The following DNAJC1 variants were observed in gnomAD, a reference collection of about 807,000 sequenced individuals.
The protein encoded by DNAJC1 is DnaJ heat shock protein family (Hsp40) member C1, also known as dnaJ homolog subfamily C member 1.
A neutral mutation model predicts 76.6 loss-of-function variants in DNAJC1; 58 were observed. The observed-to-expected ratio is 0.76, with a 90% confidence interval of 0.61 to 0.94. The LOEUF (loss-of-function observed/expected upper bound fraction) is 0.94. DNAJC1 is among the 40% of genes least tolerant of loss of function. DNAJC1 has a pLI of 0.00. For missense variants in DNAJC1, 689 were observed against 677.3 expected, an observed-to-expected ratio of 1.02 and a Z score of -0.19; for synonymous variants, 258 against 267.9, an observed-to-expected ratio of 0.96 and a Z score of 0.36.
chr10:21,949,713 G>A lies in DNAJC1; in HGVS notation c.223-20572C>T, dbSNP rs574723297. On this transcript the variant is annotated intron_variant, in intron 1 of 11. Coordinates refer to ENST00000376980, the MANE Select transcript of DNAJC1 (RefSeq NM_022365.4). ...ATTACAGGTGTGAGCCACCGCACCC[G>A]GCCAATAAGCGATTGCCCTCTATTG... 2.7e-3 allele frequency among the ~76,000 whole-genome samples: 408 copies of A among 151,926 alleles called. 2 individuals carry two copies. Among genetic ancestry groups the A allele is most frequent in the African/African-American group, 9.1e-3 (379 of 41,468 alleles).
chr10:21,856,419 T>C (rs1254414594), intron 8 of DNAJC1, among the ~76,000 whole-genome samples: 2 of 152,206 alleles, frequency 1.3e-5, no homozygotes, highest in African/African-American at 4.8e-5. Flanking sequence ...TTTGAGGATA[T>C]TTATATCTAT....
chr10:21,901,720 T>A (rs1564821852), intron 7 of DNAJC1, among the ~76,000 whole-genome samples: 1 of 152,146 alleles, frequency 6.6e-6, no homozygotes, highest in Non-Finnish European at 1.5e-5. Context: ...GTAAAGCAGA[T>A]GAGGGCAGAT....
chr10:21,766,459 G>A (rs189627873), intron 9 of DNAJC1, 150 bp from the exon 10 acceptor site: 10 of 637,300 alleles, frequency 1.6e-5, no homozygotes, highest in Non-Finnish European at 2.0e-5. Flanking sequence ...ATCCATTAAT[G>A]TAATTAACAA....
intron 11 of DNAJC1, among the ~76,000 whole-genome samples, chr10:21,757,696 AC>A (rs1834192218): frequency 6.6e-6 from 1 of 152,178 alleles, no homozygotes; most frequent in Non-Finnish European, 1.5e-5. Flanking sequence ...CAGACCCAGC[AC>A]TTAACCCCAG....
At chr10:21,806,703 CT>C (rs879570572) in intron 8 of DNAJC1, among the ~76,000 whole-genome samples, 414 of 144,762 alleles carry the variant, frequency 2.9e-3, no homozygotes, top group Middle Eastern at 3.6e-3. Flanking sequence ...AAATGTCACT[CT>C]TTTTTTTTTT....
At chr10:22,002,339 C>T (rs764684856) in intron 1 of DNAJC1, among the ~76,000 whole-genome samples, 22 of 152,158 alleles carry the variant, frequency 1.4e-4, no homozygotes, top group Admixed American at 2.6e-4. Context: ...TCTTCTCCTT[C>T]GCACAAGGCT....
intron 9 of DNAJC1, among the ~76,000 whole-genome samples, chr10:21,789,582 T>C (rs958388750): frequency 6.6e-6 from 1 of 152,008 alleles, no homozygotes; most frequent in African/African-American, 2.4e-5. Context: ...CTCACCAAGA[T>C]ATAAGAATGT....
intron 3 of DNAJC1, among the ~76,000 whole-genome samples, chr10:21,924,918 C>T (rs1564828921): frequency 6.6e-6 from 1 of 152,138 alleles, no homozygotes; most frequent in Non-Finnish European, 1.5e-5. Context: ...AAGTATTTGT[C>T]TATCTAAACT....
chr10:21,817,662 G>A (rs1835096441), intron 8 of DNAJC1, among the ~76,000 whole-genome samples: 1 of 152,184 alleles, frequency 6.6e-6, no homozygotes, highest in South Asian at 2.1e-4. Flanking sequence ...AAGAATAAAT[G>A]TTGCAGGAAG....
At chr10:21,979,656 G>C (rs28709556) in intron 1 of DNAJC1, among the ~76,000 whole-genome samples, 4,231 of 151,734 alleles carry the variant, frequency 0.028, 97 homozygotes, top group Middle Eastern at 0.11. Flanking sequence ...AGAAATAATG[G>C]AAAGTAAACT....
At chr10:21,818,079 G>A (rs917765524) in intron 8 of DNAJC1, among the ~76,000 whole-genome samples, 7 of 152,300 alleles carry the variant, frequency 4.6e-5, no homozygotes, top group Admixed American at 2.0e-4. Context: ...AACTCTGACC[G>A]CTGGTGAGCC....
intron 1 of DNAJC1, among the ~76,000 whole-genome samples, chr10:21,990,929 A>G (rs1164662482): frequency 2.0e-5 from 3 of 152,164 alleles, no homozygotes; most frequent in Non-Finnish European, 2.9e-5. Context: ...TCGTTAATTA[A>G]TCATTCAGTT....
At chr10:21,906,262 C>A (rs1836744274) in intron 6 of DNAJC1, among the ~76,000 whole-genome samples, 1 of 152,066 alleles carries the variant, frequency 6.6e-6, no homozygotes, top group Middle Eastern at 3.2e-3. Context: ...CACAGATGGC[C>A]ATGCAACCAA....
At chr10:21,780,956 C>T (rs1834521100) in intron 9 of DNAJC1, among the ~76,000 whole-genome samples, 1 of 152,160 alleles carries the variant, frequency 6.6e-6, no homozygotes, top group South Asian at 2.1e-4. Context: ...ATCCTAGTCT[C>T]TGATAAAACA....
At chr10:21,819,096 A>G (rs1046659269) in intron 8 of DNAJC1, among the ~76,000 whole-genome samples, 6 of 152,260 alleles carry the variant, frequency 3.9e-5, no homozygotes, top group Non-Finnish European at 8.8e-5. Flanking sequence ...AAAAGCAATA[A>G]AAGTTTGGTT....
chr10:21,928,547 CA>C lies in DNAJC1; in HGVS notation c.329del (p.Val110GlyfsTer7). Reference protein sequence around the residue: ...ENAETQFRQLVAIYEVLKDDE... With the variant: ...ENAETQFRQLXAIYEVLKDDE... ...CATCCTTTAAAACTTCATAAATGGC[CA>C]CCAACTAAAATAAAAGCATTACTTT... is the stretch of plus-strand genomic sequence containing the variant. On this transcript the variant is annotated frameshift_variant, in exon 3 of 12. Transcript: ENST00000376980. LOFTEE classifies it high-confidence loss of function. The C allele has an allele frequency of 6.2e-7, 1 of 1,611,858 alleles. No homozygotes were observed. Among genetic ancestry groups the C allele is most frequent in the Non-Finnish European group, 8.5e-7 (1 of 1,178,340 alleles).
At chr10:21,951,511 C>T (rs1449878093) in intron 1 of DNAJC1, among the ~76,000 whole-genome samples, 1 of 151,144 alleles carries the variant, frequency 6.6e-6, no homozygotes, top group African/African-American at 2.4e-5. Context: ...GTGCTTTATT[C>T]GTTTTCCCTT....
chr10:21,767,051 T>C (rs1834309282), intron 9 of DNAJC1, among the ~76,000 whole-genome samples: 1 of 151,724 alleles, frequency 6.6e-6, no homozygotes, highest in South Asian at 2.1e-4. Context: ...AGAAATGGAA[T>C]ATCTTTCTTC....
At chr10:21,830,870 C>G (rs1590000512) in intron 8 of DNAJC1, among the ~76,000 whole-genome samples, 1 of 152,172 alleles carries the variant, frequency 6.6e-6, no homozygotes, top group East Asian at 1.9e-4. Context: ...ACAAAAAACT[C>G]AGTGAACATT....
Sources: allele counts gnomAD v4.1 joint callset (sites outside exome capture counted in the v4.1 genomes callset), GRCh38; gene constraint gnomAD v4.1.1; transcripts MANE v1.5; gene names NCBI Gene and HGNC (gene_info 2026-07-23, HGNC 2026-07-21).